ANKRD30B: variants seen among roughly 807,000 people sequenced by gnomAD.
The protein encoded by ANKRD30B is ankyrin repeat domain 30B.
In ANKRD30B, 144 loss-of-function variants were observed where a neutral mutation model predicts 202.2. The observed-to-expected ratio is 0.71, with a 90% CI of 0.62 to 0.82. The LOEUF (loss-of-function observed/expected upper bound fraction) is 0.82, where lower values mean the gene tolerates loss of function less well. Among genes scored for constraint, ANKRD30B ranks in the 40% least tolerant of loss-of-function variants. The pLI is 0.00. For synonymous variants in ANKRD30B, 508 were observed against 561.3 expected, an observed-to-expected ratio of 0.91 and a Z score of 1.34; for missense variants, 1,487 against 1,669.1, an observed-to-expected ratio of 0.89 and a Z score of 1.90.
At chr18:14,816,184 C>T (rs975734402) in intron 30 of ANKRD30B, 17 of 152,166 alleles carry the variant, frequency 1.1e-4, no homozygotes, top group South Asian at 4.1e-4. Flanking sequence ...CTCAGTGTCA[C>T]GATTTGCTCC....
chr18:14,882,571 T>G, the ANKRD30B span, among the ~76,000 whole-genome samples: 3 of 152,182 alleles, frequency 2.0e-5, no homozygotes, highest in African/African-American at 7.2e-5. Context: ...GAATAGAATG[T>G]GTATTCTGTG....
the ANKRD30B span, chr18:14,909,946 G>C: frequency 2.0e-5 from 3 of 151,932 alleles, no homozygotes; most frequent in Non-Finnish European, 4.4e-5. Context: ...CTAGTGTGGG[G>C]GAAGATGCGC....
chr18:14,784,308 T>G, intron 12 of ANKRD30B, 28 bp from the exon 13 acceptor site: 1 of 1,606,582 alleles, frequency 6.2e-7, no homozygotes, highest in Non-Finnish European at 8.5e-7. Flanking sequence ...TTACTTATGA[T>G]TGATGATAAA....
chr18:14,794,991 A>G (rs1968775960), intron 16 of ANKRD30B, among the ~76,000 whole-genome samples: 1 of 152,222 alleles, frequency 6.6e-6, no homozygotes, highest in African/African-American at 2.4e-5. Flanking sequence ...AGCTTTCTAT[A>G]AAAGCTTTTT....
At chr18:14,933,066 A>G in the ANKRD30B span, among the ~76,000 whole-genome samples, 2 of 152,246 alleles carry the variant, frequency 1.3e-5, no homozygotes, top group African/African-American at 4.8e-5. Flanking sequence ...TTCTAATTAA[A>G]GACCATGCAC....
the ANKRD30B span, among the ~76,000 whole-genome samples, chr18:14,941,022 C>A: frequency 6.6e-6 from 1 of 152,210 alleles, no homozygotes; most frequent in Non-Finnish European, 1.5e-5. Context: ...GTATGTGCTC[C>A]CAGGAGATTC....
chr18:14,886,724 T>C, the ANKRD30B span, among the ~76,000 whole-genome samples: 2 of 152,134 alleles, frequency 1.3e-5, no homozygotes, highest in African/African-American at 4.8e-5. Context: ...AAACTGATTA[T>C]GAACAGATAG....
rs1970477956 is a variant in ANKRD30B, at chr18:14,822,596, C to T, written c.2671-9C>T. The T allele has an allele frequency of 2.3e-6, 3 of 1,329,616 alleles. No individual in the cohort carries two copies. Among genetic ancestry groups the T allele is most frequent in the Non-Finnish European group, 2.1e-6 (2 of 958,146 alleles). The allele number at this position is 1,329,616 out of a possible 1,614,324, so 82.4% of individuals were successfully genotyped here. The stretch of plus-strand genomic sequence containing the variant: ...ATATAGTAATTATTGTGTTTCCAAA[C>T]CCATTTAGCCTACCTGTGGAATGAA... On this transcript the variant is annotated splice_polypyrimidine_tract_variant and intron_variant, in intron 31 of 43. Transcript: ENST00000690538.
At chr18:14,939,760 C>T in the ANKRD30B span, among the ~76,000 whole-genome samples, 3 of 152,182 alleles carry the variant, frequency 2.0e-5, no homozygotes, top group Non-Finnish European at 4.4e-5. Flanking sequence ...TAAAGTAGTT[C>T]ATTTTAAGCA....
intron 24 of ANKRD30B, chr18:14,808,331 C>A: frequency 3.5e-6 from 2 of 567,574 alleles, no homozygotes; most frequent in Non-Finnish European, 6.6e-6. Flanking sequence ...TTGAAATCTT[C>A]ATAGCACGTT....
intron 5 of ANKRD30B, among the ~76,000 whole-genome samples, chr18:14,758,498 G>A (rs1377161038): frequency 2.0e-5 from 3 of 152,182 alleles, no homozygotes; most frequent in Non-Finnish European, 4.4e-5. Flanking sequence ...TACTAACACA[G>A]ATCCCTCAGT....
rs964619039 is a variant in ANKRD30B at position 14,852,278 on chromosome 18, A to G, written c.4334A>G (p.Lys1445Arg). 1.3e-6 allele frequency: 2 copies of G among 1,545,238 alleles called. No individual in the cohort carries two copies. The highest frequency in any genetic ancestry group is 1.7e-6 in the Non-Finnish European group (2 of 1,145,224). ...QLVYAHKKVN[K>R]SKVTINIQFP... The stretch of plus-strand genomic sequence containing the variant: ...GTTTATGCACATAAGAAAGTTAACA[A>G]AAGCAAGGTAACAATTAATATTCAG... Residue 1445 changes from lysine (K) to arginine (R), a missense_variant, in exon 42 of 44, where the codon AAA (lysine) becomes AGA (arginine). This residue lies in a region of ANKRD30B where 182 missense variants were observed against 216.0 expected (regional missense o/e 0.84). Coordinates refer to ENST00000690538, the MANE Select transcript of ANKRD30B (RefSeq NM_001367607.2).
intron 9 of ANKRD30B, 56 bp from the exon 10 acceptor site, chr18:14,777,929 T>C (rs1466398735): frequency 4.5e-6 from 6 of 1,330,846 alleles, no homozygotes; most frequent in Non-Finnish European, 6.3e-6. Flanking sequence ...AGACTTCATC[T>C]CAAAAAAACA....
chr18:14,927,592 G>A, the ANKRD30B span, among the ~76,000 whole-genome samples: 1 of 152,184 alleles, frequency 6.6e-6, no homozygotes, highest in Non-Finnish European at 1.5e-5. Flanking sequence ...ATGAAGCAAA[G>A]CCTATTATCT....
chr18:14,750,140 G>C (rs894721792), intron 1 of ANKRD30B, among the ~76,000 whole-genome samples: 1 of 152,022 alleles, frequency 6.6e-6, no homozygotes, highest in East Asian at 1.9e-4. Flanking sequence ...AAAAATAAAA[G>C]GCAGCATACT....
intron 30 of ANKRD30B, among the ~76,000 whole-genome samples, chr18:14,819,071 G>T (rs1970271020): frequency 6.6e-6 from 1 of 152,062 alleles, no homozygotes; most frequent in Admixed American, 6.5e-5. Flanking sequence ...GTGTGAGATG[G>T]TATCTCATAG....
the ANKRD30B span, among the ~76,000 whole-genome samples, chr18:14,874,967 A>G: frequency 1.3e-5 from 2 of 152,348 alleles, no homozygotes; most frequent in South Asian, 4.1e-4. Flanking sequence ...GGGAAGACTC[A>G]TACAGGTCCA....
chr18:14,836,950 G>T (rs893179655), intron 34 of ANKRD30B, among the ~76,000 whole-genome samples: 5 of 152,064 alleles, frequency 3.3e-5, no homozygotes, highest in Admixed American at 2.6e-4. Context: ...GACTTAAATT[G>T]TAGAACTGGT....
chr18:14,921,018 CT>C, the ANKRD30B span, among the ~76,000 whole-genome samples: 1 of 152,236 alleles, frequency 6.6e-6, no homozygotes, highest in Admixed American at 6.5e-5. Context: ...AATGTTTTTA[CT>C]TTTATCAAGG....
Sources: allele counts gnomAD v4.1 joint callset (sites outside exome capture counted in the v4.1 genomes callset), GRCh38; gene constraint gnomAD v4.1.1; regional missense constraint gnomAD v4.1.1; transcripts MANE v1.5; gene names NCBI Gene and HGNC (gene_info 2026-07-23, HGNC 2026-07-21).